Variants in MAX observed in about 807,000 individuals in gnomAD.
MAX encodes the protein protein max.
In MAX, 3 loss-of-function variants were observed where a neutral mutation model predicts 22.3. The ratio of observed to expected loss-of-function variants is 0.13; its 90% CI spans 0.06 to 0.35. The LOEUF (loss-of-function observed/expected upper bound fraction) is 0.35. MAX is among the 10% of genes least tolerant of loss of function. The pLI, the probability that MAX is intolerant of heterozygous loss-of-function variation, is 1.00. For synonymous variants in MAX, 72 were observed against 77.7 expected, an observed-to-expected ratio of 0.93 and a Z score of 0.39; for missense variants, 119 against 209.4, an observed-to-expected ratio of 0.57 and a Z score of 2.66.
downstream of MAX, among the ~76,000 whole-genome samples, chr14:65,072,142 T>C (rs2062994001): frequency 1.3e-5 from 2 of 152,204 alleles, no homozygotes; most frequent in African/African-American, 4.8e-5. Context: ...CCAGAGGCTT[T>C]TGAGAATGCA....
intron 3 of MAX, among the ~76,000 whole-genome samples, chr14:65,050,432 A>G (rs1292402488): frequency 1.3e-5 from 2 of 152,172 alleles, no homozygotes; most frequent in Non-Finnish European, 2.9e-5. Context: ...CTCTACTAAA[A>G]ATGCAAAAAT....
intron 3 of MAX, among the ~76,000 whole-genome samples, chr14:65,025,847 A>G (rs1342269518): frequency 6.6e-6 from 1 of 152,124 alleles, no homozygotes; most frequent in African/African-American, 2.4e-5. Context: ...AGTGCCACAT[A>G]ATTGTTTTCA....
At position 65,082,860 on chromosome 14, in the gene MAX, A is replaced by G. The variant is rs562175222; in HGVS notation, c.172-4824T>C. ...CTTTCTATTTTAAAGACAGGTGAGAACTAAACAGGCTTCTAGCAGAAACAC... is the reference window on the plus strand; with the variant it reads ...CTTTCTATTTTAAAGACAGGTGAGAGCTAAACAGGCTTCTAGCAGAAACAC... On this transcript the variant is annotated intron_variant, in intron 3 of 4. Transcript: ENST00000358664. This position sits in a 1 kb window ranked among gnomAD's most constrained non-coding sequence, Gnocchi z 4.8. 6.1e-4 allele frequency among the ~76,000 whole-genome samples: 93 copies of G among 152,320 alleles called. 1 individual carries two copies. The highest frequency in any genetic ancestry group is 2.2e-3 in the African/African-American group (91 of 41,568).
intron 3 of MAX, among the ~76,000 whole-genome samples, chr14:65,020,456 C>T (rs184429978): frequency 9.1e-4 from 139 of 152,028 alleles, no homozygotes; most frequent in Non-Finnish European, 1.3e-3. Flanking sequence ...TTGAGAGTCT[C>T]GCTCTGTTGC....
intron 3 of MAX, among the ~76,000 whole-genome samples, chr14:65,043,855 A>G (rs946014379): frequency 1.4e-5 from 2 of 144,522 alleles, no homozygotes; most frequent in Admixed American, 1.4e-4. Flanking sequence ...AAAAAAAAAA[A>G]AAAAAGAAAT....
At chr14:65,046,270 C>A (rs1227881252) in intron 3 of MAX, among the ~76,000 whole-genome samples, 1 of 152,200 alleles carries the variant, frequency 6.6e-6, no homozygotes, top group Non-Finnish European at 1.5e-5. Flanking sequence ...GCCACCGTGC[C>A]TGGCCCAACA....
chr14:65,031,935 C>T lies in MAX; in HGVS notation c.172-25651G>A, dbSNP rs1373662812. Among the ~76,000 whole-genome samples, 2 of 151,354 alleles carry T rather than the reference C, an allele frequency of 1.3e-5. No homozygotes were observed. The highest frequency in any genetic ancestry group is 2.9e-5 in the Non-Finnish European group (2 of 67,878). On this transcript the variant is annotated intron_variant, in intron 3 of 3. Transcript: ENST00000341653. The surrounding 1 kb of genome is among the most constrained non-coding windows in gnomAD (Gnocchi z 4.6). ...GACCCTGTCTCAATAAAAACCAAAACAAAAGCAAAACAAAAAATATAGACG... is the reference window on the plus strand; with the variant it reads ...GACCCTGTCTCAATAAAAACCAAAATAAAAGCAAAACAAAAAATATAGACG...
At position 65,076,807 on chromosome 14, in the gene MAX, G is replaced by A. The variant is rs2063070209; in HGVS notation, c.296-144C>T. 1.5e-5 allele frequency: 13 copies of A among 889,426 alleles called. No homozygotes were observed. The highest frequency in any genetic ancestry group is 1.2e-4 in the South Asian group (9 of 72,508). The allele number at this position is 889,426 out of a possible 1,614,324, so 55.1% of individuals were successfully genotyped here. A position where few individuals can be genotyped will look rare whatever the true frequency, so the allele number is the denominator to read the frequency against. On this transcript the variant is annotated intron_variant, in intron 4 of 4. Coordinates refer to ENST00000358664, the MANE Select transcript of MAX (RefSeq NM_002382.5). This position sits in a 1 kb window ranked among gnomAD's most constrained non-coding sequence, Gnocchi z 6.6. ...AAGATGCTCAGAAGTAGCTCCCTTC[G>A]GGTGGCTGTTCACTCACACACTTCA... is the stretch of plus-strand genomic sequence containing the variant.
intron 3 of MAX, among the ~76,000 whole-genome samples, chr14:65,086,786 C>T (rs891304672): frequency 3.3e-5 from 5 of 152,224 alleles, no homozygotes; most frequent in Admixed American, 3.3e-4. Flanking sequence ...AAGCCAGCTG[C>T]AGAGATTTGC....
intron 3 of MAX, among the ~76,000 whole-genome samples, chr14:65,057,980 T>G (rs2062777273): frequency 6.6e-6 from 1 of 152,234 alleles, no homozygotes; most frequent in Non-Finnish European, 1.5e-5. Context: ...CCTTGTTGTT[T>G]TTCTTCAAAA....
At position 65,079,117 on chromosome 14, in the gene MAX, T is replaced by G. The variant is rs1380923020; in HGVS notation, c.172-1081A>C. 6.6e-6 allele frequency among the ~76,000 whole-genome samples: 1 copy of G among 152,230 alleles called. No individual in the cohort carries two copies. The highest frequency in any genetic ancestry group is 2.4e-5 in the African/African-American group (1 of 41,454). ...TTAAATGAAAGCTTTAGGTCACTAATTCTGCTAGGGCCTGGCTTGAGACAG... is the reference window on the plus strand; with the variant it reads ...TTAAATGAAAGCTTTAGGTCACTAAGTCTGCTAGGGCCTGGCTTGAGACAG... On this transcript the variant is annotated intron_variant, in intron 3 of 4. Coordinates refer to ENST00000358664, the MANE Select transcript of MAX (RefSeq NM_002382.5). This position sits in a 1 kb window ranked among gnomAD's most constrained non-coding sequence, Gnocchi z 4.5.
intron 3 of MAX, among the ~76,000 whole-genome samples, chr14:65,051,941 C>T (rs1452075876): frequency 6.6e-6 from 1 of 151,680 alleles, no homozygotes; most frequent in Non-Finnish European, 1.5e-5. Context: ...ACTACAGGCG[C>T]CCACCACCAT....
At chr14:65,051,144 T>A (rs1270123281) in intron 3 of MAX, among the ~76,000 whole-genome samples, 1 of 152,204 alleles carries the variant, frequency 6.6e-6, no homozygotes, top group South Asian at 2.1e-4. Context: ...TGTCTCTTAA[T>A]GGGTGTTTCA....
At position 65,099,804 on chromosome 14, in the gene MAX, C is replaced by T. The variant is rs139617857; in HGVS notation, c.63+1742G>A. The stretch of plus-strand genomic sequence containing the variant: ...ATATATGCATAAGTATATGAGAATA[C>T]TTCAAGGATAAATAAAATAAAACAA... On this transcript the variant is annotated intron_variant, in intron 2 of 4. Transcript: ENST00000358664. 7.0e-4 allele frequency among the ~76,000 whole-genome samples: 106 copies of T among 152,280 alleles called. 1 individual carries two copies. The highest frequency in any genetic ancestry group is 2.5e-3 in the African/African-American group (104 of 41,564).
At chr14:65,016,962 AC>A (rs1245908838) in intron 3 of MAX, among the ~76,000 whole-genome samples, 1 of 132,182 alleles carries the variant, frequency 7.6e-6, no homozygotes, top group Non-Finnish European at 1.5e-5. Context: ...TCACTCTGTC[AC>A]CCAGGCTGGG....
At chr14:65,024,887 G>A (rs1247843295) in intron 3 of MAX, among the ~76,000 whole-genome samples, 1 of 152,090 alleles carries the variant, frequency 6.6e-6, no homozygotes, top group African/African-American at 2.4e-5. Context: ...CCAAAGTACT[G>A]GAATTACAGG....
Position 65,040,681 on chromosome 14 carries a change from G to A in MAX, c.172-34397C>T, listed in dbSNP as rs994089100. On this transcript the variant is annotated intron_variant, in intron 3 of 3. Coordinates refer to the MAX transcript ENST00000341653. ...CATCTTTTCATTCATAGTTGTGATG[G>A]TTCACACCTTAATCTGAGTGAACTT... 5 of 1,260,064 alleles carry A rather than the reference G, an allele frequency of 4.0e-6. No individual in the cohort carries two copies. In the Admixed American group the frequency reaches 1.4e-4, roughly 36 times the overall value. The allele number at this position is 1,260,064 out of a possible 1,614,324, so 78.1% of individuals were successfully genotyped here. A position where few individuals can be genotyped will look rare whatever the true frequency, so the allele number is the denominator to read the frequency against.
In MAX at chr14:65,076,300, G is replaced by A. The variant is rs2063053001; in HGVS notation, c.*176C>T. ...AAAATATACAGTGGAAATGGGGAAG[G>A]AGAACGAGAGCTGTTGTCCAAGAGC... is the stretch of plus-strand genomic sequence containing the variant. On this transcript the variant is annotated 3_prime_UTR_variant, in exon 5 of 5. Transcript: ENST00000358664. This position sits in a 1 kb window ranked among gnomAD's most constrained non-coding sequence, Gnocchi z 6.6. 3 of 1,467,728 alleles carry A rather than the reference G, an allele frequency of 2.0e-6. No individual in the cohort carries two copies. The highest frequency in any genetic ancestry group is 1.8e-6 in the Non-Finnish European group (2 of 1,115,648). 90.9% of individuals were successfully genotyped at this position (1,467,728 alleles called of 1,614,324 possible).
rs76364539 is a variant in MAX at position 65,082,448 on chromosome 14, T to C, written c.172-4412A>G. ...TTGCAAGTGAGGCAATGATGAAGACTAGTCTTCAGAATTTGGTTGAAAAGT... is the reference window on the plus strand; with the variant it reads ...TTGCAAGTGAGGCAATGATGAAGACCAGTCTTCAGAATTTGGTTGAAAAGT... On this transcript the variant is annotated intron_variant, in intron 3 of 4. Coordinates refer to ENST00000358664, the MANE Select transcript of MAX (RefSeq NM_002382.5). The surrounding 1 kb of genome is among the most constrained non-coding windows in gnomAD (Gnocchi z 4.8). 1.3e-5 allele frequency: 2 copies of C among 152,202 alleles called. No individual in the cohort carries two copies. Among genetic ancestry groups the C allele is most frequent in the Non-Finnish European group, 2.9e-5 (2 of 68,048 alleles). The allele number at this position is 152,202 out of a possible 1,614,324, so 9.4% of individuals were successfully genotyped here. A position where few individuals can be genotyped will look rare whatever the true frequency, so the allele number is the denominator to read the frequency against.
Sources: allele counts gnomAD v4.1 joint callset (sites outside exome capture counted in the v4.1 genomes callset), GRCh38; gene constraint gnomAD v4.1.1; non-coding constraint Gnocchi (gnomAD v3.1); transcripts MANE v1.5; gene names NCBI Gene and HGNC (gene_info 2026-07-23, HGNC 2026-07-21).